The following DPP6 variants were observed in gnomAD, a reference collection of about 807,000 sequenced individuals.
DPP6 encodes A-type potassium channel modulatory protein DPP6.
A neutral mutation model predicts 122.6 loss-of-function variants in DPP6; 69 were observed. The ratio of observed to expected loss-of-function variants is 0.56; its 90% CI spans 0.46 to 0.69. The LOEUF is 0.69. Among genes scored for constraint, DPP6 ranks in the 30% least tolerant of loss-of-function variants. The pLI, the probability that DPP6 is intolerant of heterozygous loss-of-function variation, is 0.00. For synonymous variants in DPP6, 418 were observed against 433.1 expected, an observed-to-expected ratio of 0.97 and a Z score of 0.43; for missense variants, 928 against 1,116.9, an observed-to-expected ratio of 0.83 and a Z score of 2.41.
At chr7:153,957,892 G>A (rs954344196) in intron 1 of DPP6, among the ~76,000 whole-genome samples, 54 of 152,114 alleles carry the variant, frequency 3.5e-4, no homozygotes, top group African/African-American at 1.2e-3. Context: ...GCTCGGGCGC[G>A]GTGGCTCACA....
At chr7:154,654,776 A>T (rs1027091369) in intron 6 of DPP6, among the ~76,000 whole-genome samples, 2 of 152,128 alleles carry the variant, frequency 1.3e-5, no homozygotes, top group African/African-American at 2.4e-5. Context: ...GGAAAATTTT[A>T]AAATTACTAA....
chr7:154,566,370 C>T (rs1411251874), intron 4 of DPP6, among the ~76,000 whole-genome samples: 1 of 152,152 alleles, frequency 6.6e-6, no homozygotes, highest in Non-Finnish European at 1.5e-5. Flanking sequence ...CAACCTCTGC[C>T]TCCCAGGTTC....
intron 4 of DPP6, among the ~76,000 whole-genome samples, chr7:154,565,449 C>A (rs1381669590): frequency 6.6e-6 from 1 of 152,208 alleles, no homozygotes; most frequent in Admixed American, 6.5e-5. Context: ...ATCAAAGGAA[C>A]CCAAGTCCTT....
intron 1 of DPP6, among the ~76,000 whole-genome samples, chr7:154,001,406 A>G (rs970521017): frequency 6.8e-6 from 1 of 147,192 alleles, no homozygotes; most frequent in African/African-American, 2.5e-5. Flanking sequence ...ATGTCCAACT[A>G]TTGAGCTCTT....
At chr7:153,848,474 C>T in the DPP6 span, among the ~76,000 whole-genome samples, 12 of 152,148 alleles carry the variant, frequency 7.9e-5, no homozygotes, top group Non-Finnish European at 1.8e-4. Flanking sequence ...GGTCTGCATT[C>T]TCTATCTATA....
At chr7:153,826,021 A>G in the DPP6 span, among the ~76,000 whole-genome samples, 1 of 152,238 alleles carries the variant, frequency 6.6e-6, no homozygotes, top group Non-Finnish European at 1.5e-5. Flanking sequence ...ACCATAAAAT[A>G]ATACAAAATA....
At chr7:153,807,616 G>T in the DPP6 span, among the ~76,000 whole-genome samples, 1 of 151,992 alleles carries the variant, frequency 6.6e-6, no homozygotes, top group Non-Finnish European at 1.5e-5. Context: ...GGAAATGTCA[G>T]TTATCTGAGG....
At chr7:154,612,896 G>C (rs929766795) in intron 5 of DPP6, among the ~76,000 whole-genome samples, 1 of 152,112 alleles carries the variant, frequency 6.6e-6, no homozygotes, top group African/African-American at 2.4e-5. Flanking sequence ...AATTACCATA[G>C]ACTGAGTAGC....
chr7:153,882,018 TA>T, the DPP6 span, among the ~76,000 whole-genome samples: 1 of 152,230 alleles, frequency 6.6e-6, no homozygotes, highest in Non-Finnish European at 1.5e-5. Flanking sequence ...TTTTCTATAA[TA>T]AAATCTATCA....
intron 4 of DPP6, among the ~76,000 whole-genome samples, chr7:154,553,625 A>G (rs1371333521): frequency 6.6e-6 from 1 of 152,204 alleles, no homozygotes; most frequent in Non-Finnish European, 1.5e-5. Flanking sequence ...CACAGCTGAT[A>G]GCTGATAGTC....
At chr7:154,102,030 T>G (rs113933878) in intron 1 of DPP6, among the ~76,000 whole-genome samples, 1 of 151,766 alleles carries the variant, frequency 6.6e-6, no homozygotes, top group Non-Finnish European at 1.5e-5. Context: ...TCAGTAAACA[T>G]TGGATTTCTA....
At chr7:154,109,422 C>T (rs1362868905) in intron 1 of DPP6, among the ~76,000 whole-genome samples, 1 of 152,028 alleles carries the variant, frequency 6.6e-6, no homozygotes, top group Non-Finnish European at 1.5e-5. Context: ...TCCTGAGTAG[C>T]TGGGATTATG....
At chr7:154,856,119 T>C (rs942604444) in intron 17 of DPP6, among the ~76,000 whole-genome samples, 2 of 152,228 alleles carry the variant, frequency 1.3e-5, no homozygotes, top group African/African-American at 4.8e-5. Flanking sequence ...AAAAGTTTTT[T>C]CTAATCTGTG....
chr7:154,199,969 C>T (rs1799084170), intron 1 of DPP6, among the ~76,000 whole-genome samples: 1 of 152,184 alleles, frequency 6.6e-6, no homozygotes, highest in African/African-American at 2.4e-5. Context: ...TGCAGAGCCC[C>T]GCCCGTAATG....
At chr7:154,093,981 A>G (rs1372103083) in intron 1 of DPP6, 1 of 152,184 alleles carries the variant, frequency 6.6e-6, no homozygotes, top group Non-Finnish European at 1.5e-5. Flanking sequence ...TGCTAGCATA[A>G]AAGAATGAGG....
intron 6 of DPP6, among the ~76,000 whole-genome samples, chr7:154,643,914 T>C (rs1836278009): frequency 6.6e-6 from 1 of 152,182 alleles, no homozygotes. Context: ...AGGGAGATAC[T>C]CCAGGCAGGG....
chr7:154,879,699 C>T (rs1406153665), intron 20 of DPP6, among the ~76,000 whole-genome samples: 1 of 152,170 alleles, frequency 6.6e-6, no homozygotes, highest in Non-Finnish European at 1.5e-5. Context: ...TTGCGGTGAG[C>T]CACGATCACG....
chr7:153,951,609 T>A (rs1802216681), intron 1 of DPP6, among the ~76,000 whole-genome samples: 1 of 152,230 alleles, frequency 6.6e-6, no homozygotes. Context: ...CTGATCAGCC[T>A]TGCTGTCCAG....
At chr7:154,800,057 T>A (rs1765359679) in intron 12 of DPP6, among the ~76,000 whole-genome samples, 1 of 152,130 alleles carries the variant, frequency 6.6e-6, no homozygotes, top group Non-Finnish European at 1.5e-5. Flanking sequence ...TGCAAACATT[T>A]CCCCCAGAAA....
Sources: gnomAD v4.1 joint callset for allele counts (sites outside exome capture counted in the v4.1 genomes callset) on GRCh38, gnomAD v4.1.1 for gene constraint, MANE v1.5 for transcripts, NCBI Gene and HGNC (gene_info 2026-07-23, HGNC 2026-07-21) for gene names.